Variants in CRISP2 observed in about 807,000 individuals in gnomAD.
The protein encoded by CRISP2 is cysteine rich secretory protein 2, also known as cysteine-rich secretory protein 2.
CRISP2 carries 29 observed loss-of-function variants against 31.7 expected under a neutral mutation model. The observed-to-expected ratio is 0.92, with a 90% CI of 0.68 to 1.25. The LOEUF is 1.25. Ranked by LOEUF, CRISP2 falls within the 50% of genes most tolerant of loss-of-function variation. The pLI is 0.00. For missense variants in CRISP2, 318 were observed against 286.5 expected (o/e 1.11, Z -0.79); for synonymous variants, 111 against 101.4 (o/e 1.09, Z -0.57).
intron 4 of CRISP2, among the ~76,000 whole-genome samples, chr6:49,703,162 G>T (rs1225209257): frequency 1.3e-5 from 2 of 148,930 alleles, no homozygotes; most frequent in Non-Finnish European, 3.0e-5. Flanking sequence ...TCTCTATTCT[G>T]TTCCATTGGT....
At chr6:49,691,541 ATGTT>A (rs1323842320), downstream of CRISP2, among the ~76,000 whole-genome samples, 9 of 152,036 alleles carry the variant, frequency 5.9e-5, no homozygotes, top group African/African-American at 2.2e-4. Flanking sequence ...CATTTACTAA[ATGTT>A]TGTTTAAAAT....
chr6:49,702,645 T>C (rs576615016), intron 4 of CRISP2, among the ~76,000 whole-genome samples: 1 of 152,170 alleles, frequency 6.6e-6, no homozygotes, highest in East Asian at 1.9e-4. Flanking sequence ...GCCCACTTTT[T>C]GATGGGATTT....
chr6:49,695,117 T>C (rs1195679958), intron 9 of CRISP2, among the ~76,000 whole-genome samples: 1 of 152,166 alleles, frequency 6.6e-6, no homozygotes, highest in Non-Finnish European at 1.5e-5. Flanking sequence ...TTATCATTCA[T>C]AATAATTTTA....
chr6:49,705,719 C>T (rs1244711690), intron 4 of CRISP2, among the ~76,000 whole-genome samples: 1 of 152,140 alleles, frequency 6.6e-6, no homozygotes, highest in African/African-American at 2.4e-5. Flanking sequence ...GCTCTTCTCA[C>T]TGCTTCTTCT....
chr6:49,689,858 C>T (rs1214166510), downstream of CRISP2, among the ~76,000 whole-genome samples: 1 of 152,046 alleles, frequency 6.6e-6, no homozygotes, highest in Non-Finnish European at 1.5e-5. Flanking sequence ...TCTTCCACAT[C>T]ACTCTTTCTT....
chr6:49,685,828 TC>T, the CRISP2 span, among the ~76,000 whole-genome samples: 51 of 152,282 alleles, frequency 3.3e-4, no homozygotes, highest in African/African-American at 1.1e-3. Context: ...TTTTGGGCTT[TC>T]CCCCACTTCT....
chr6:49,682,591 CTT>C, the CRISP2 span, among the ~76,000 whole-genome samples: 14 of 72,810 alleles, frequency 1.9e-4, no homozygotes, highest in South Asian at 5.8e-4. Context: ...CTTTCTTTTT[CTT>C]TCTTTCTTTC....
At chr6:49,705,907 C>A (rs1361820254) in intron 4 of CRISP2, among the ~76,000 whole-genome samples, 1 of 152,112 alleles carries the variant, frequency 6.6e-6, no homozygotes, top group Non-Finnish European at 1.5e-5. Context: ...TTTGTAGCGT[C>A]AAGCCACTTC....
intron 9 of CRISP2, among the ~76,000 whole-genome samples, chr6:49,693,166 C>T (rs1764197736): frequency 1.3e-5 from 2 of 152,232 alleles, no homozygotes; most frequent in South Asian, 4.1e-4. Context: ...TTAAATTCCA[C>T]ATTTAGTGAT....
chr6:49,703,882 T>C (rs1457997335), intron 4 of CRISP2, among the ~76,000 whole-genome samples: 1 of 152,192 alleles, frequency 6.6e-6, no homozygotes, highest in Admixed American at 6.5e-5. Context: ...TGAGCTTCTT[T>C]TATTTGAATG....
intron 4 of CRISP2, among the ~76,000 whole-genome samples, chr6:49,703,202 G>A (rs1279315317): frequency 6.6e-6 from 1 of 152,054 alleles, no homozygotes; most frequent in African/African-American, 2.4e-5. Context: ...CCAGTACCAT[G>A]CTGTTTTGGT....
chr6:49,711,836 C>G (rs1768064879), intron 2 of CRISP2, among the ~76,000 whole-genome samples: 1 of 152,142 alleles, frequency 6.6e-6, no homozygotes, highest in African/African-American at 2.4e-5. Flanking sequence ...TTTTATATCA[C>G]AGGTTTTTGC....
At chr6:49,703,735 T>C (rs567869476) in intron 4 of CRISP2, among the ~76,000 whole-genome samples, 5 of 152,298 alleles carry the variant, frequency 3.3e-5, no homozygotes, top group East Asian at 1.9e-4. Context: ...GTTAATCTGA[T>C]AGGTTTTCCT....
At chr6:49,677,714 G>A in the CRISP2 span, among the ~76,000 whole-genome samples, 1 of 151,974 alleles carries the variant, frequency 6.6e-6, no homozygotes, top group African/African-American at 2.4e-5. Flanking sequence ...GGAGTACTGG[G>A]TGCAGGATAC....
chr6:49,686,322 C>A, the CRISP2 span, among the ~76,000 whole-genome samples: 1 of 152,114 alleles, frequency 6.6e-6, no homozygotes, highest in Non-Finnish European at 1.5e-5. Context: ...AATAAATAAT[C>A]TTGCACATAT....
chr6:49,701,687 A>G (rs1442851612), intron 4 of CRISP2, among the ~76,000 whole-genome samples: 1 of 119,262 alleles, frequency 8.4e-6, no homozygotes, highest in African/African-American at 3.5e-5. Context: ...TGTATACATT[A>G]TATATGTATA....
chr6:49,701,578 C>CGT (rs553634563), intron 4 of CRISP2, among the ~76,000 whole-genome samples: 7 of 87,164 alleles, frequency 8.0e-5, no homozygotes, highest in African/African-American at 3.1e-4. Flanking sequence ...CTGAGTATTA[C>CGT]GTGTGTGTGT....
At chr6:49,694,974 C>T (rs974638027) in intron 9 of CRISP2, among the ~76,000 whole-genome samples, 13 of 151,862 alleles carry the variant, frequency 8.6e-5, no homozygotes, top group African/African-American at 2.2e-4. Flanking sequence ...CCTTGTGATC[C>T]GCCCACCTCT....
chr6:49,714,096 C>A (rs1768452554), upstream of CRISP2, among the ~76,000 whole-genome samples: 1 of 152,156 alleles, frequency 6.6e-6, no homozygotes, highest in South Asian at 2.1e-4. Flanking sequence ...TGAAAATACG[C>A]AGAACTCCTG....
Sources: allele counts gnomAD v4.1 joint callset (sites outside exome capture counted in the v4.1 genomes callset), GRCh38; gene constraint gnomAD v4.1.1; transcripts MANE v1.5; gene names NCBI Gene and HGNC (gene_info 2026-07-23, HGNC 2026-07-21).